Variants in RBFOX1 observed in about 807,000 individuals in gnomAD.
RBFOX1 encodes the protein RNA binding protein fox-1 homolog 1.
RBFOX1 carries 8 observed loss-of-function variants against 57.7 expected under a neutral mutation model. The ratio of observed to expected loss-of-function variants is 0.14; its 90% CI spans 0.08 to 0.25. The LOEUF (loss-of-function observed/expected upper bound fraction) is 0.25, where lower values mean the gene tolerates loss of function less well. RBFOX1 is among the 10% of genes least tolerant of loss of function. RBFOX1 has a pLI of 1.00. For missense variants in RBFOX1, 611 were observed against 548.5 expected, an observed-to-expected ratio of 1.11 and a Z score of -1.14; for synonymous variants, 326 against 222.4, an observed-to-expected ratio of 1.47 and a Z score of -4.15.
At chr16:5,989,156 T>TAAAA (rs71404568) in intron 4 of RBFOX1, among the ~76,000 whole-genome samples, 1 of 134,022 alleles carries the variant, frequency 7.5e-6, no homozygotes, top group Non-Finnish European at 1.6e-5. Context: ...CTGTCTCTAC[T>TAAAA]AAAAAAAAAA....
intron 3 of RBFOX1, chr16:6,704,212 C>G (rs929438337): frequency 1.3e-5 from 2 of 152,222 alleles, no homozygotes; most frequent in African/African-American, 4.8e-5. Flanking sequence ...GAGTTAAAAA[C>G]CTGCCTAACT....
At chr16:6,150,184 C>T (rs1410648524) in intron 1 of RBFOX1, among the ~76,000 whole-genome samples, 3 of 152,162 alleles carry the variant, frequency 2.0e-5, no homozygotes, top group South Asian at 4.1e-4. Flanking sequence ...TGAGAGGAAG[C>T]ATATCGTGAG....
At chr16:7,582,270 A>G (rs2093830866) in intron 6 of RBFOX1, among the ~76,000 whole-genome samples, 1 of 152,236 alleles carries the variant, frequency 6.6e-6, no homozygotes, top group Non-Finnish European at 1.5e-5. Flanking sequence ...AATTAAGAGA[A>G]CACACCATGC....
chr16:6,683,132 A>G (rs933322757), intron 3 of RBFOX1, among the ~76,000 whole-genome samples: 27 of 152,182 alleles, frequency 1.8e-4, no homozygotes, highest in African/African-American at 6.0e-4. Flanking sequence ...TGAAAGAGCT[A>G]ACTAGCAGAT....
At chr16:5,590,253 G>A (rs2046964182) in intron 2 of RBFOX1, among the ~76,000 whole-genome samples, 1 of 152,062 alleles carries the variant, frequency 6.6e-6, no homozygotes, top group African/African-American at 2.4e-5. Flanking sequence ...TCCAAAGAGG[G>A]GAAAAAAAAC....
chr16:5,399,364 C>G lies in RBFOX1; in HGVS notation c.220-67852C>G, dbSNP rs142130110. Among the ~76,000 whole-genome samples, 328 of 152,204 alleles carry G rather than the reference C, an allele frequency of 2.2e-3. 1 individual carries two copies. Among genetic ancestry groups the G allele is most frequent in the African/African-American group, 7.5e-3 (313 of 41,532 alleles). The stretch of plus-strand genomic sequence containing the variant: ...TGGAGTAGGATAGAAGTTAAGAAAA[C>G]TAATGTGTATTTTGAAATATATAAA... On this transcript the variant is annotated intron_variant, in intron 1 of 2. Transcript: ENST00000585867.
intron 2 of RBFOX1, among the ~76,000 whole-genome samples, chr16:5,532,201 T>C (rs2044508767): frequency 6.6e-6 from 1 of 152,188 alleles, no homozygotes; most frequent in Admixed American, 6.5e-5. Context: ...GTCTTGCACC[T>C]TGCAGGATGT....
intron 11 of RBFOX1, among the ~76,000 whole-genome samples, chr16:7,649,657 A>G (rs1199583957): frequency 6.6e-6 from 1 of 152,174 alleles, no homozygotes; most frequent in Non-Finnish European, 1.5e-5. Flanking sequence ...CCCAGAAGGA[A>G]GACAAACATT....
intron 3 of RBFOX1, among the ~76,000 whole-genome samples, chr16:5,672,962 G>C (rs868360163): frequency 1.1e-4 from 16 of 152,136 alleles, no homozygotes; most frequent in Middle Eastern, 3.4e-3. Context: ...TAATTAGGGA[G>C]CTTGGGGTTG....
chr16:5,708,023 A>G (rs2051316466), intron 3 of RBFOX1, among the ~76,000 whole-genome samples: 2 of 152,128 alleles, frequency 1.3e-5, no homozygotes, highest in South Asian at 4.1e-4. Context: ...CCACATGGTT[A>G]ATTATTGTTG....
intron 4 of RBFOX1, among the ~76,000 whole-genome samples, chr16:7,232,574 G>T (rs2093561692): frequency 6.6e-6 from 1 of 152,110 alleles, no homozygotes; most frequent in African/African-American, 2.4e-5. Context: ...GGCATAAGCG[G>T]CTCATGCCTG....
At chr16:7,478,854 G>A (rs1430980302) in intron 4 of RBFOX1, among the ~76,000 whole-genome samples, 1 of 152,112 alleles carries the variant, frequency 6.6e-6, no homozygotes, top group Admixed American at 6.6e-5. Context: ...TGCTTGAGTC[G>A]AGCGCCTTGA....
chr16:7,543,475 C>G (rs894186121), intron 5 of RBFOX1, among the ~76,000 whole-genome samples: 4 of 152,150 alleles, frequency 2.6e-5, no homozygotes, highest in African/African-American at 7.2e-5. Context: ...AATTGGAAAA[C>G]TCCTGGATAA....
chr16:6,450,804 T>TACAC (rs1567303195), intron 2 of RBFOX1, among the ~76,000 whole-genome samples: 1 of 10,408 alleles, frequency 9.6e-5, no homozygotes, highest in African/African-American at 6.6e-4. Context: ...TATATATGTA[T>TACAC]ATATATATAT....
intron 4 of RBFOX1, among the ~76,000 whole-genome samples, chr16:7,401,091 T>G (rs2098234894): frequency 6.6e-6 from 1 of 152,146 alleles, no homozygotes; most frequent in Non-Finnish European, 1.5e-5. Flanking sequence ...TCCAGGAGAA[T>G]TTGCCTGAAG....
At chr16:5,615,129 G>A (rs2047974704) in intron 3 of RBFOX1, among the ~76,000 whole-genome samples, 1 of 152,128 alleles carries the variant, frequency 6.6e-6, no homozygotes. Flanking sequence ...TGAACTCCTG[G>A]GCTTAAGTGA....
intron 2 of RBFOX1, among the ~76,000 whole-genome samples, chr16:6,546,528 C>T (rs1305612942): frequency 2.0e-5 from 3 of 152,318 alleles, no homozygotes; most frequent in East Asian, 1.9e-4. Context: ...AGCTCCATAG[C>T]ACCTCTGTCT....
intron 4 of RBFOX1, among the ~76,000 whole-genome samples, chr16:7,403,959 G>C (rs2098289069): frequency 6.7e-6 from 1 of 150,014 alleles, no homozygotes; most frequent in South Asian, 2.1e-4. Flanking sequence ...GTTAATGGGT[G>C]CTTAAGTTGT....
chr16:5,434,131 C>G (rs929477305), intron 1 of RBFOX1, among the ~76,000 whole-genome samples: 1 of 152,070 alleles, frequency 6.6e-6, no homozygotes, highest in Non-Finnish European at 1.5e-5. Context: ...GCATGTCCTG[C>G]CAGTCATAGC....
Sources: gnomAD v4.1 joint callset for allele counts (sites outside exome capture counted in the v4.1 genomes callset) on GRCh38, gnomAD v4.1.1 for gene constraint, MANE v1.5 for transcripts, NCBI Gene and HGNC (gene_info 2026-07-23, HGNC 2026-07-21) for gene names.